The following NKAIN3 variants were observed in gnomAD, a reference collection of about 807,000 sequenced individuals.
NKAIN3 encodes the protein sodium/potassium-transporting ATPase subunit beta-1-interacting protein 3.
Under a neutral mutation model 30.2 loss-of-function variants are expected in NKAIN3, and 25 were observed. The observed-to-expected ratio is 0.83, with a 90% confidence interval of 0.60 to 1.16. The LOEUF is 1.16. Ranked by LOEUF, NKAIN3 falls within the 50% of genes most tolerant of loss-of-function variation. The pLI, the probability that NKAIN3 is intolerant of heterozygous loss-of-function variation, is 0.00. For synonymous variants in NKAIN3, 91 were observed against 89.6 expected (o/e 1.02, Z -0.09); for missense variants, 225 against 254.1 (o/e 0.89, Z 0.78).
At chr8:62,596,493 G>A (rs895619129) in intron 3 of NKAIN3, among the ~76,000 whole-genome samples, 8 of 152,074 alleles carry the variant, frequency 5.3e-5, no homozygotes, top group East Asian at 3.9e-4. Flanking sequence ...GTGTTCCCTC[G>A]GAAGTTAGGA....
At chr8:62,914,494 TA>T (rs146351084) in intron 4 of NKAIN3, among the ~76,000 whole-genome samples, 10,857 of 152,132 alleles carry the variant, frequency 0.071, 493 homozygotes, top group South Asian at 0.15. Context: ...AAACCTAAAA[TA>T]AAAGTTAAAT....
intron 5 of NKAIN3, chr8:62,990,328 T>A: frequency 3.0e-6 from 4 of 1,352,496 alleles, no homozygotes; most frequent in Non-Finnish European, 3.8e-6. Context: ...AGTGTCATTC[T>A]AAACCCCAGA....
chr8:62,949,255 G>T (rs1823212273), intron 5 of NKAIN3, among the ~76,000 whole-genome samples: 1 of 152,200 alleles, frequency 6.6e-6, no homozygotes, highest in Admixed American at 6.5e-5. Flanking sequence ...AATCAGGTTT[G>T]CCATGGCTGA....
chr8:62,673,665 C>T (rs1001606295), intron 3 of NKAIN3, among the ~76,000 whole-genome samples: 18 of 152,180 alleles, frequency 1.2e-4, no homozygotes, highest in African/African-American at 4.1e-4. Flanking sequence ...ATGGTAGTGC[C>T]TACTACATGC....
intron 3 of NKAIN3, among the ~76,000 whole-genome samples, chr8:62,644,876 T>A (rs750742639): frequency 6.6e-6 from 1 of 152,184 alleles, no homozygotes; most frequent in Non-Finnish European, 1.5e-5. Context: ...TGTGCAGTTG[T>A]CTGCATTCTA....
chr8:62,320,111 T>G, intron 1 of NKAIN3, among the ~76,000 whole-genome samples: 1 of 152,292 alleles, frequency 6.6e-6, no homozygotes, highest in Middle Eastern at 3.4e-3. Flanking sequence ...TCTTTTGATC[T>G]TTGTTGATTT....
chr8:62,287,855 A>G (rs981375513), intron 1 of NKAIN3, among the ~76,000 whole-genome samples: 5 of 151,866 alleles, frequency 3.3e-5, no homozygotes, highest in South Asian at 2.1e-4. Flanking sequence ...CTTCCTGCAG[A>G]CTCCTTTGGG....
At chr8:62,824,284 C>T (rs1818948680) in intron 4 of NKAIN3, among the ~76,000 whole-genome samples, 3 of 152,008 alleles carry the variant, frequency 2.0e-5, no homozygotes, top group South Asian at 4.2e-4. Context: ...TACTTGGTCC[C>T]GTATGGGGAA....
At chr8:62,279,314 C>T (rs1674061112) in intron 1 of NKAIN3, among the ~76,000 whole-genome samples, 1 of 152,120 alleles carries the variant, frequency 6.6e-6, no homozygotes, top group Non-Finnish European at 1.5e-5. Context: ...TTCTCCCATT[C>T]TGTAGGTTGC....
rs73259231 is a variant in NKAIN3 at position 62,369,103 on chromosome 8, T to A, written c.54+119976T>A. Among the ~76,000 whole-genome samples the A allele has an allele frequency of 2.0e-3, 303 of 152,244 alleles. 2 individuals carry two copies. Among genetic ancestry groups the A allele is most frequent in the African/African-American group, 7.0e-3 (289 of 41,564 alleles). ...TGGTAAATCTCCTCTCAGATTCTTT[T>A]ACTTCTTCCTTTGTTGAGTTCTTTT... On this transcript the variant is annotated intron_variant, in intron 1 of 6. Coordinates refer to ENST00000623646, the MANE Select transcript of NKAIN3 (RefSeq NM_001304533.3).
intron 3 of NKAIN3, among the ~76,000 whole-genome samples, chr8:62,742,180 A>G (rs190550352): frequency 6.6e-6 from 1 of 152,090 alleles, no homozygotes; most frequent in Non-Finnish European, 1.5e-5. Flanking sequence ...TAATTCTTAA[A>G]TAGGTGGCTT....
At chr8:62,909,931 C>T (rs866932363) in intron 4 of NKAIN3, among the ~76,000 whole-genome samples, 1 of 152,038 alleles carries the variant, frequency 6.6e-6, no homozygotes, top group Non-Finnish European at 1.5e-5. Context: ...TCTTTCATGT[C>T]ATCTATCAAG....
At chr8:62,622,181 C>T (rs922322131) in intron 3 of NKAIN3, among the ~76,000 whole-genome samples, 1 of 151,952 alleles carries the variant, frequency 6.6e-6, no homozygotes, top group Non-Finnish European at 1.5e-5. Context: ...GTTTGTTTAA[C>T]CATTTACCAA....
chr8:62,869,422 G>A (rs1047493363), intron 4 of NKAIN3, among the ~76,000 whole-genome samples: 2 of 152,104 alleles, frequency 1.3e-5, no homozygotes, highest in Admixed American at 6.5e-5. Flanking sequence ...GAGAACATGC[G>A]GTGTTTGGTT....
intron 4 of NKAIN3, among the ~76,000 whole-genome samples, chr8:62,901,944 T>C (rs1285645091): frequency 2.6e-5 from 4 of 152,154 alleles, no homozygotes; most frequent in Non-Finnish European, 5.9e-5. Context: ...AAACATACCC[T>C]CAATGGCTCC....
At chr8:62,251,020 C>T (rs1464683390) in intron 1 of NKAIN3, among the ~76,000 whole-genome samples, 1 of 152,086 alleles carries the variant, frequency 6.6e-6, no homozygotes, top group Non-Finnish European at 1.5e-5. Flanking sequence ...TCTTTACAAA[C>T]TCTGCAAGTT....
chr8:62,873,538 C>G (rs185217988), intron 4 of NKAIN3, among the ~76,000 whole-genome samples: 17 of 149,720 alleles, frequency 1.1e-4, no homozygotes, highest in African/African-American at 4.2e-4. Context: ...AATATACATT[C>G]CTCTCAGTAC....
At chr8:62,476,489 G>C (rs902704581) in intron 1 of NKAIN3, among the ~76,000 whole-genome samples, 1 of 151,204 alleles carries the variant, frequency 6.6e-6, no homozygotes, top group East Asian at 1.9e-4. Flanking sequence ...ATGGAGTCTC[G>C]CTCTTTCACC....
intron 1 of NKAIN3, among the ~76,000 whole-genome samples, chr8:62,437,182 G>C (rs1237551198): frequency 2.0e-5 from 3 of 152,002 alleles, no homozygotes; most frequent in African/African-American, 4.8e-5. Context: ...GAGGCTAAAA[G>C]TATATGAAAA....
Sources: allele counts gnomAD v4.1 joint callset (sites outside exome capture counted in the v4.1 genomes callset), GRCh38; gene constraint gnomAD v4.1.1; transcripts MANE v1.5; gene names NCBI Gene and HGNC (gene_info 2026-07-23, HGNC 2026-07-21).